The following STX5 variants were observed in gnomAD, a reference collection of about 807,000 sequenced individuals.
The protein encoded by STX5 is syntaxin 5.
A neutral mutation model predicts 42.9 loss-of-function variants in STX5; 15 were observed. The ratio of observed to expected loss-of-function variants is 0.35; its 90% CI spans 0.23 to 0.54. The LOEUF (loss-of-function observed/expected upper bound fraction) is 0.54. Among genes scored for constraint, STX5 ranks in the 20% least tolerant of loss-of-function variants. STX5 has a pLI of 0.91. For synonymous variants in STX5, 184 were observed against 173.2 expected, an observed-to-expected ratio of 1.06 and a Z score of -0.49; for missense variants, 430 against 455.0, an observed-to-expected ratio of 0.95 and a Z score of 0.50.
At chr11:62,827,674 C>T in intron 2 of STX5, 43 bp from the exon 3 acceptor site, 1 of 1,607,400 alleles carries the variant, frequency 6.2e-7, no homozygotes, top group Non-Finnish European at 8.5e-7. Context: ...GTTCTCCCTT[C>T]CCCAGTTCCA....
intron 10 of STX5, among the ~76,000 whole-genome samples, chr11:62,811,367 C>T (rs997658186): frequency 2.6e-5 from 4 of 152,296 alleles, no homozygotes; most frequent in East Asian, 1.9e-4. Context: ...AGCATCAATC[C>T]GCTTGCTTCT....
chr11:62,832,018 G>A lies in STX5; in HGVS notation c.-84C>T, dbSNP rs1026925732. ...CACCGGCCGTCACTGCCTCCTCCCC[G>A]AGCACTGAAGCCGCCGAAACCCGAC... is the stretch of plus-strand genomic sequence containing the variant. On this transcript the variant is annotated 5_prime_UTR_variant, in exon 1 of 11. Coordinates refer to ENST00000294179, the MANE Select transcript of STX5 (RefSeq NM_003164.5). The A allele has an allele frequency of 4.0e-5, 19 of 474,540 alleles. No individual in the cohort carries two copies. The highest frequency in any genetic ancestry group is 7.5e-5 in the Non-Finnish European group (18 of 239,846). 29.4% of individuals were successfully genotyped at this position (474,540 alleles called of 1,614,324 possible). A position where few individuals can be genotyped will look rare whatever the true frequency, so the allele number is the denominator to read the frequency against.
chr11:62,809,945 TACAAAA>T, intron 10 of STX5, among the ~76,000 whole-genome samples: 1 of 149,280 alleles, frequency 6.7e-6, no homozygotes, highest in Non-Finnish European at 1.5e-5. Flanking sequence ...CTACTAAAAA[TACAAAA>T]ATTAGCTGGA....
chr11:62,819,515 CT>C (rs1464535219), intron 10 of STX5, among the ~76,000 whole-genome samples: 1 of 151,820 alleles, frequency 6.6e-6, no homozygotes, highest in African/African-American at 2.4e-5. Context: ...ATACATTTAA[CT>C]TTTTAATACT....
intron 5 of STX5, among the ~76,000 whole-genome samples, chr11:62,825,853 A>T (rs2084789838): frequency 6.6e-6 from 1 of 152,182 alleles, no homozygotes; most frequent in South Asian, 2.1e-4. Flanking sequence ...GAACCCTTTC[A>T]AAGGCCAAAA....
At position 62,824,567 on chromosome 11, in the gene STX5, T is replaced by TG; in HGVS notation, c.680-3dup. The TG allele has an allele frequency of 6.2e-7, 1 of 1,614,014 alleles. No homozygotes were observed. Among genetic ancestry groups the TG allele is most frequent in the Non-Finnish European group, 8.5e-7 (1 of 1,179,954 alleles). On this transcript the variant is annotated splice_region_variant and splice_polypyrimidine_tract_variant and intron_variant, in intron 8 of 10. Coordinates refer to ENST00000294179, the MANE Select transcript of STX5 (RefSeq NM_003164.5). ...CCCCCAGAACCACAGCACCACCGCC[T>TG]GGGGGAGAAAACAGGATGTGGCACA...
At chr11:62,818,689 CAAAAAA>C (rs772514194) in intron 10 of STX5, among the ~76,000 whole-genome samples, 1 of 107,956 alleles carries the variant, frequency 9.3e-6, no homozygotes, top group Non-Finnish European at 2.0e-5. Context: ...CCGTCTCTAC[CAAAAAA>C]AAAAAAAAAG....
chr11:62,815,320 T>C (rs953056529), intron 10 of STX5, among the ~76,000 whole-genome samples: 2 of 151,982 alleles, frequency 1.3e-5, no homozygotes, highest in African/African-American at 4.8e-5. Flanking sequence ...GGGTGTGGTT[T>C]TTATTTTATT....
At chr11:62,810,762 C>G (rs925984397) in intron 10 of STX5, among the ~76,000 whole-genome samples, 6 of 152,252 alleles carry the variant, frequency 3.9e-5, no homozygotes, top group Admixed American at 2.6e-4. Context: ...CCCAGATCCA[C>G]TGGCATGCAG....
At chr11:62,821,410 C>T (rs1333694835) in intron 10 of STX5, among the ~76,000 whole-genome samples, 2 of 152,044 alleles carry the variant, frequency 1.3e-5, no homozygotes, top group Non-Finnish European at 2.9e-5. Flanking sequence ...CCAGAGTATA[C>T]ACTATTATAC....
At position 62,824,249 on chromosome 11, in the gene STX5, G is replaced by C; in HGVS notation, c.825C>G (p.Asn275Lys). 1 of 1,614,146 alleles carries C rather than the reference G, an allele frequency of 6.2e-7. No individual in the cohort carries two copies. The highest frequency in any genetic ancestry group is 8.5e-7 in the Non-Finnish European group (1 of 1,180,034). The part of the protein sequence containing the change: ...YIQSRADTMQ[N>K]IESTIVELGS... ...CCAACTCAACAATTGTCGACTCAAT[G>C]TTCTGCATGGTGTCTGCCCGACTCT... is the stretch of plus-strand genomic sequence containing the variant. Residue 275 changes from asparagine to lysine, a missense_variant, in exon 10 of 11, where the codon AAC (asparagine) becomes AAG (lysine). By Grantham distance (94) the Asn-to-Lys change is moderately conservative. Coordinates refer to ENST00000294179, the MANE Select transcript of STX5 (RefSeq NM_003164.5).
In STX5 at chr11:62,824,523, T is replaced by G. The variant is rs754742161; in HGVS notation, c.722A>C (p.Lys241Thr). The G allele has an allele frequency of 1.9e-6, 3 of 1,614,080 alleles. No individual in the cohort carries two copies. In the East Asian group the frequency reaches 6.7e-5, roughly 36 times the overall value. Residue 241 changes from lysine (K) to threonine (T), a missense_variant, in exon 9 of 11, where the codon AAG becomes ACG. Lys to Thr is a moderately conservative substitution (Grantham distance 78, BLOSUM62 -1). Transcript: ENST00000294179. ...GTCCATCATGTCGATGGCGACATCC[T>G]TGGAGGCATGGGACTCTGCCCCCAG... ...VVLGAESHASKDVAIDMMDSR... is the reference protein window; with the variant it reads ...VVLGAESHASTDVAIDMMDSR...
rs764789455 is a variant in STX5 at position 62,811,195 on chromosome 11, T to C, written c.909-3567A>G. 6.0e-4 allele frequency among the ~76,000 whole-genome samples: 91 copies of C among 152,276 alleles called. 2 individuals are homozygous for C. The highest frequency in any genetic ancestry group is 4.1e-4 in the Non-Finnish European group (28 of 68,006). On this transcript the variant is annotated intron_variant, in intron 10 of 10. Coordinates refer to ENST00000294179, the MANE Select transcript of STX5 (RefSeq NM_003164.5). The stretch of plus-strand genomic sequence containing the variant: ...CTTTACCCAGTCTCTGGGTGGTCTA[T>C]GCCCAGGGTTTCACCAAGAGGCCAC...
chr11:62,824,483 C>T lies in STX5; in HGVS notation c.762G>A (p.Gln254=). Residue 254 remains glutamine (Q), a synonymous_variant, in exon 9 of 11, where the codon CAG becomes CAA. Transcript: ENST00000294179. ...CCTGCTCGTCAATGAGCTGCAGCTG[C>T]TGGCTGGTCCGAGAGTCCATCATGT... ...AIDMMDSRTS[Q]QLQLIDEQDS... is the part of the protein sequence containing the mutation. 1.2e-6 allele frequency: 2 copies of T among 1,614,206 alleles called. No individual in the cohort carries two copies. Among genetic ancestry groups the T allele is most frequent in the Admixed American group, 3.3e-5 (2 of 60,020 alleles).
intron 10 of STX5, among the ~76,000 whole-genome samples, chr11:62,812,504 C>T (rs528094733): frequency 1.1e-4 from 17 of 151,850 alleles, no homozygotes; most frequent in Non-Finnish European, 1.6e-4. Context: ...CTGCAAGCTC[C>T]GCCTCCTGGG....
Position 62,807,368 on chromosome 11 carries a change from C to A in STX5, c.*101G>T, listed in dbSNP as rs2084563052. On this transcript the variant is annotated 3_prime_UTR_variant, in exon 11 of 11. Coordinates refer to ENST00000294179, the MANE Select transcript of STX5 (RefSeq NM_003164.5). ...CTTAGCAGTTCCAGGGAAACAGGGC[C>A]TTTCTCCCAAGTACCCTGCACAGGC... 1.3e-6 allele frequency: 2 copies of A among 1,487,616 alleles called. No individual in the cohort carries two copies. Among genetic ancestry groups the A allele is most frequent in the Non-Finnish European group, 9.0e-7 (1 of 1,115,160 alleles). 92.2% of individuals were successfully genotyped at this position (1,487,616 alleles called of 1,614,324 possible). A position where few individuals can be genotyped will look rare whatever the true frequency, so the allele number is the denominator to read the frequency against.
In STX5 at chr11:62,831,245, G is replaced by C; in HGVS notation, c.-2C>G. 1 of 1,558,134 alleles carries C rather than the reference G, an allele frequency of 6.4e-7. No homozygotes were observed. Among genetic ancestry groups the C allele is most frequent in the African/African-American group, 1.4e-5 (1 of 73,980 alleles). On this transcript the variant is annotated 5_prime_UTR_variant, in exon 2 of 11. Coordinates refer to ENST00000294179, the MANE Select transcript of STX5 (RefSeq NM_003164.5). The stretch of plus-strand genomic sequence containing the variant: ...CCCGTAGCGTTTCCGCGGGATCATT[G>C]AGACGCATAACCTCGGACTGTTGTG...
chr11:62,808,843 A>G (rs1317873313), intron 10 of STX5, among the ~76,000 whole-genome samples: 1 of 152,242 alleles, frequency 6.6e-6, no homozygotes, highest in Non-Finnish European at 1.5e-5. Flanking sequence ...GCACTAATTT[A>G]ATCAGTGTTA....
chr11:62,828,209 G>C (rs746504692), intron 2 of STX5, among the ~76,000 whole-genome samples: 5 of 151,760 alleles, frequency 3.3e-5, no homozygotes, highest in Non-Finnish European at 7.4e-5. Context: ...CGACATCCTG[G>C]GCTCAAGTGA....
Sources: allele counts gnomAD v4.1 joint callset (sites outside exome capture counted in the v4.1 genomes callset), GRCh38; gene constraint gnomAD v4.1.1; transcripts MANE v1.5; gene names NCBI Gene and HGNC (gene_info 2026-07-23, HGNC 2026-07-21).